The following ASXL3 variants were observed in gnomAD, a reference collection of about 807,000 sequenced individuals.
ASXL3 encodes putative Polycomb group protein ASXL3.
Under a neutral mutation model 170.6 loss-of-function variants are expected in ASXL3, and 34 were observed. The ratio of observed to expected loss-of-function variants is 0.20; its 90% confidence interval spans 0.15 to 0.27. The LOEUF (loss-of-function observed/expected upper bound fraction) is 0.27, where lower values mean the gene tolerates loss of function less well. Among genes scored for constraint, ASXL3 ranks in the 10% least tolerant of loss-of-function variants. ASXL3 has a pLI of 1.00. For missense variants in ASXL3, 2,592 were observed against 2,695.3 expected (o/e 0.96, Z 0.85); for synonymous variants, 1,002 against 989.1 (o/e 1.01, Z -0.24).
At chr18:33,694,250 G>C (rs2066736284) in intron 8 of ASXL3, among the ~76,000 whole-genome samples, 1 of 152,174 alleles carries the variant, frequency 6.6e-6, no homozygotes, top group African/African-American at 2.4e-5. Flanking sequence ...CGTTCTGCAA[G>C]ATGTGCTTGG....
rs1206103831 is a variant in ASXL3, at chr18:33,651,905, A to G, written c.355+5552A>G. 2.6e-5 allele frequency among the ~76,000 whole-genome samples: 4 copies of G among 152,116 alleles called. 1 individual carries two copies. The highest frequency in any genetic ancestry group is 5.9e-5 in the Non-Finnish European group (4 of 67,998). ...TTACAAAGTTTTGTTGAAAAATTTTACAATGTAGGAAAAGTGGTATATTTT... is the reference window on the plus strand; with the variant it reads ...TTACAAAGTTTTGTTGAAAAATTTTGCAATGTAGGAAAAGTGGTATATTTT... On this transcript the variant is annotated intron_variant, in intron 4 of 11. Transcript: ENST00000269197.
chr18:33,707,828 T>C (rs1305184498), intron 8 of ASXL3, among the ~76,000 whole-genome samples: 1 of 152,082 alleles, frequency 6.6e-6, no homozygotes, highest in East Asian at 1.9e-4. Context: ...TTCTGTCATA[T>C]TAAGGAAATT....
chr18:33,637,713 C>G (rs2065789934), intron 2 of ASXL3, among the ~76,000 whole-genome samples: 1 of 152,080 alleles, frequency 6.6e-6, no homozygotes, highest in African/African-American at 2.4e-5. Flanking sequence ...GCTAAAAGTC[C>G]TGAAGAGCCA....
chr18:33,635,367 C>T lies in ASXL3; in HGVS notation c.138-9527C>T, dbSNP rs190796733. On this transcript the variant is annotated intron_variant, in intron 2 of 11. Coordinates refer to ENST00000269197, the MANE Select transcript of ASXL3 (RefSeq NM_030632.3). ...TGATCTTCAACATGACCAGGCAATA[C>T]GGGAGTTCCCATGATCTTTTCTCCC... Among the ~76,000 whole-genome samples the T allele has an allele frequency of 5.4e-4, 82 of 152,252 alleles. 1 individual carries two copies. The highest frequency in any genetic ancestry group is 2.9e-3 in the Admixed American group (44 of 15,292).
chr18:33,624,267 G>T (rs559617073), intron 2 of ASXL3, among the ~76,000 whole-genome samples: 1 of 151,824 alleles, frequency 6.6e-6, no homozygotes, highest in Non-Finnish European at 1.5e-5. Context: ...TAACTGAGAT[G>T]CTTTATTTGG....
chr18:33,636,340 AACAACAGCC>A (rs1401328562), intron 2 of ASXL3, among the ~76,000 whole-genome samples: 8,246 of 54,220 alleles, frequency 0.15, 449 homozygotes, highest in East Asian at 0.49. Context: ...CAACAGCAAC[AACAACAGCC>A]ACAACAACAG....
At chr18:33,584,428 A>G (rs1187959089) in intron 1 of ASXL3, among the ~76,000 whole-genome samples, 1 of 152,152 alleles carries the variant, frequency 6.6e-6, no homozygotes, top group Non-Finnish European at 1.5e-5. Flanking sequence ...TTGCACACAC[A>G]AAGAAGCACA....
chr18:33,613,446 T>A (rs1331006847), intron 2 of ASXL3, among the ~76,000 whole-genome samples: 2 of 152,048 alleles, frequency 1.3e-5, no homozygotes, highest in African/African-American at 4.8e-5. Context: ...AATCCAGGCA[T>A]ATGTTGAAGA....
rs774704543 is a variant in ASXL3 at position 33,739,816 on chromosome 18, G to A, written c.2412G>A (p.Leu804=). Residue 804 remains leucine (L), a synonymous_variant, in exon 11 of 12, where the codon CTG becomes CTA. Coordinates refer to ENST00000269197, the MANE Select transcript of ASXL3 (RefSeq NM_030632.3). ...ACCTTACCTCCCAGCAGAAGAATCTGTCTAATACTCCCGAACCCATCATAA... is the reference window on the plus strand; with the variant it reads ...ACCTTACCTCCCAGCAGAAGAATCTATCTAATACTCCCGAACCCATCATAA... ...GENLTSQQKN[L]SNTPEPIIMS... is the part of the protein sequence containing the mutation. 7 of 1,613,846 alleles carry A rather than the reference G, an allele frequency of 4.3e-6. No homozygotes were observed. The African/African-American group carries it at 6.7e-5, about 15-fold the overall frequency.
At chr18:33,671,659 A>G (rs552982596) in intron 6 of ASXL3, 88 bp from the exon 7 acceptor site, 116 of 1,186,740 alleles carry the variant, frequency 9.8e-5, no homozygotes, top group Admixed American at 1.6e-4. Context: ...AAAGGAGATT[A>G]TATCTACAGT....
intron 8 of ASXL3, among the ~76,000 whole-genome samples, chr18:33,727,162 G>T (rs990247714): frequency 1.3e-5 from 2 of 151,900 alleles, no homozygotes; most frequent in African/African-American, 4.8e-5. Flanking sequence ...ATGAAATCTA[G>T]ATTGCTTAGT....
chr18:33,653,792 A>T (rs1371694333), intron 4 of ASXL3, among the ~76,000 whole-genome samples: 1 of 151,982 alleles, frequency 6.6e-6, no homozygotes, highest in Non-Finnish European at 1.5e-5. Context: ...TGTGTTCTTG[A>T]TAACTTTTAT....
At chr18:33,716,453 T>C (rs1480549173) in intron 8 of ASXL3, among the ~76,000 whole-genome samples, 2 of 152,170 alleles carry the variant, frequency 1.3e-5, no homozygotes, top group African/African-American at 4.8e-5. Context: ...TAGAATCTAT[T>C]TTGGGAAACA....
chr18:33,674,656 C>T (rs1043526952), intron 7 of ASXL3, among the ~76,000 whole-genome samples: 5 of 150,566 alleles, frequency 3.3e-5, no homozygotes, highest in African/African-American at 9.8e-5. Context: ...CTCGCTCTGT[C>T]GCTCCAGACT....
intron 2 of ASXL3, among the ~76,000 whole-genome samples, chr18:33,638,277 A>C (rs1599428929): frequency 6.6e-6 from 1 of 151,994 alleles, no homozygotes; most frequent in Admixed American, 6.6e-5. Context: ...TGCCCAGACT[A>C]GTCTCGAATT....
intron 8 of ASXL3, among the ~76,000 whole-genome samples, chr18:33,705,940 C>T (rs1051525806): frequency 2.0e-5 from 3 of 151,836 alleles, no homozygotes; most frequent in Admixed American, 2.0e-4. Flanking sequence ...ACTATCCTGA[C>T]TTTTTTCACC....
In ASXL3 at chr18:33,738,936, C is replaced by T. The variant is rs1568359802; in HGVS notation, c.1532C>T (p.Thr511Ile). 1.2e-6 allele frequency: 2 copies of T among 1,613,598 alleles called. No individual in the cohort carries two copies. Among genetic ancestry groups the T allele is most frequent in the East Asian group, 4.5e-5 (2 of 44,872 alleles). Residue 511 changes from threonine to isoleucine, a missense_variant, in exon 11 of 12, where the codon ACT becomes ATT. Thr to Ile is a moderately conservative substitution (Grantham distance 89). This residue lies in a region of ASXL3 where 2,246 missense variants were observed against 2,219.6 expected (regional missense o/e 1.01). Transcript: ENST00000269197. ...SCVMMNDVLE[T>I]LPHIEVKIEG... ...GTTATGATGAATGATGTTTTAGAAA[C>T]TTTGCCTCATATTGAAGTTAAGATA...
At position 33,748,852 on chromosome 18, in the gene ASXL3, A is replaced by G. The variant is rs2067839692; in HGVS notation, c.*2257A>G. 1.3e-5 allele frequency: 2 copies of G among 152,274 alleles called. No individual in the cohort carries two copies. Among genetic ancestry groups the G allele is most frequent in the African/African-American group, 2.4e-5 (1 of 41,468 alleles). The allele number at this position is 152,274 out of a possible 1,614,324, so 9.4% of individuals were successfully genotyped here. A position where few individuals can be genotyped will look rare whatever the true frequency, so the allele number is the denominator to read the frequency against. ...GGTGTCGGAAGAAACTCCAGTCTACAGAACCTTTGCACTCAGTATGTGAGG... is the reference window on the plus strand; with the variant it reads ...GGTGTCGGAAGAAACTCCAGTCTACGGAACCTTTGCACTCAGTATGTGAGG... On this transcript the variant is annotated 3_prime_UTR_variant, in exon 12 of 12. Transcript: ENST00000269197.
chr18:33,657,216 C>A (rs566923276), intron 4 of ASXL3, among the ~76,000 whole-genome samples: 10 of 152,182 alleles, frequency 6.6e-5, no homozygotes, highest in African/African-American at 2.4e-4. Flanking sequence ...ATGAGTTTGC[C>A]AGGCAGAGTG....
Sources: allele counts gnomAD v4.1 joint callset (sites outside exome capture counted in the v4.1 genomes callset), GRCh38; gene constraint gnomAD v4.1.1; regional missense constraint gnomAD v4.1.1; transcripts MANE v1.5; gene names NCBI Gene and HGNC (gene_info 2026-07-23, HGNC 2026-07-21).